Variants in LRP1 observed in about 807,000 individuals in gnomAD.
LRP1 encodes prolow-density lipoprotein receptor-related protein 1.
In LRP1, 51 loss-of-function variants were observed where a neutral mutation model predicts 541.5. That is an observed-to-expected ratio of 0.09 (90% CI 0.08 to 0.12). The LOEUF (loss-of-function observed/expected upper bound fraction) is 0.12, where lower values mean the gene tolerates loss of function less well. Ranked by LOEUF, LRP1 falls within the 10% of genes least tolerant of loss-of-function variation. LRP1 has a pLI of 1.00. For synonymous variants in LRP1, 2,219 were observed against 2,470.8 expected (o/e 0.90, Z 3.02); for missense variants, 3,878 against 6,376.2 (o/e 0.61, Z 13.34).
At chr12:57,198,073 C>A (rs1304148721) in intron 58 of LRP1, 83 bp from the exon 59 acceptor site, 5 of 1,225,812 alleles carry the variant, frequency 4.1e-6, no homozygotes, top group Non-Finnish European at 5.7e-6. Context: ...CCATTTTACA[C>A]GAGGGGAGGC....
chr12:57,164,035 G>A (rs982801765), intron 15 of LRP1, among the ~76,000 whole-genome samples: 2 of 152,274 alleles, frequency 1.3e-5, no homozygotes, highest in African/African-American at 2.4e-5. Context: ...GCCAGGCATG[G>A]TGTCACACGC....
At position 57,211,668 on chromosome 12, in the gene LRP1, A is replaced by AGGGGGGGGGGGGGGGGGGGG; in HGVS notation, c.13193+81_13194-80insGGGGGGGGGGGGGGGGGGGG. On this transcript the variant is annotated intron_variant, in intron 85 of 88. Transcript: ENST00000243077. This position sits in a 1 kb window ranked among gnomAD's most constrained non-coding sequence, Gnocchi z 4.3. ...TTGAGCAGGAGGACCGTCAGGCCTC[A>AGGGGGGGGGGGGGGGGGGGG]GTGCCCACCCCCCGCCCTGTTTTCC... is the stretch of plus-strand genomic sequence containing the variant. 1 of 1,552,996 alleles carries AGGGGGGGGGGGGGGGGGGGG rather than the reference A, an allele frequency of 6.4e-7. No homozygotes were observed. Among genetic ancestry groups the AGGGGGGGGGGGGGGGGGGGG allele is most frequent in the Non-Finnish European group, 8.9e-7 (1 of 1,126,284 alleles).
chr12:57,175,791 G>A (rs865970783), intron 23 of LRP1, 86 bp downstream of exon 23: 2 of 1,552,400 alleles, frequency 1.3e-6, no homozygotes, highest in Non-Finnish European at 1.7e-6. Flanking sequence ...GGTGCCAAAG[G>A]CTGAGTTTTC....
At chr12:57,181,120 A>G (rs1486376056) in intron 33 of LRP1, 37 bp from the exon 34 acceptor site, 11 of 1,602,728 alleles carry the variant, frequency 6.9e-6, no homozygotes, top group Admixed American at 5.1e-5. Context: ...AAGGAGGGCC[A>G]CCTAACCCTT....
At chr12:57,167,769 C>T (rs1055600934) in intron 19 of LRP1, among the ~76,000 whole-genome samples, 3 of 152,228 alleles carry the variant, frequency 2.0e-5, no homozygotes, top group Non-Finnish European at 4.4e-5. Context: ...AGCTGCCCAC[C>T]CTCTAGTAGG....
intron 19 of LRP1, 113 bp from the exon 20 acceptor site, chr12:57,169,027 G>A (rs961993546): frequency 2.4e-6 from 2 of 831,476 alleles, no homozygotes; most frequent in Non-Finnish European, 3.9e-6. Context: ...TCCCAGTGGG[G>A]GGGTTAGGGT....
intron 1 of LRP1, among the ~76,000 whole-genome samples, chr12:57,136,395 G>GGCCCCC (rs1555179757): frequency 2.0e-5 from 2 of 99,124 alleles, no homozygotes; most frequent in African/African-American, 4.0e-5. Flanking sequence ...CCTCCTAAGA[G>GGCCCCC]CCCCCCCCCC....
Position 57,195,294 on chromosome 12 carries a change from T to C in LRP1, c.8332T>C (p.Ser2778Pro). The change falls in exon 52 of 89, where the codon TCC becomes CCC. Residue 2778 changes from serine to proline, a missense_variant. Physicochemically the swap from Ser to Pro is moderately conservative, Grantham distance 74. This residue lies in a region of LRP1 where 1,100 missense variants were observed against 1,827.4 expected (regional missense o/e 0.60). Coordinates refer to ENST00000243077, the MANE Select transcript of LRP1 (RefSeq NM_002332.3). ...HCEGKTCGPS[S>P]FSCPGTHVCV... ...AGAAGGCAAGACGTGCGGCCCCTCC[T>C]CCTTCTCCTGCCCTGGCACCCACGT... The C allele has an allele frequency of 6.2e-7, 1 of 1,613,916 alleles. No individual in the cohort carries two copies. Among genetic ancestry groups the C allele is most frequent in the Non-Finnish European group, 8.5e-7 (1 of 1,180,008 alleles).
Position 57,173,065 on chromosome 12 carries a change from T to C in LRP1, c.3164-103T>C. On this transcript the variant is annotated intron_variant, in intron 20 of 88. Coordinates refer to ENST00000243077, the MANE Select transcript of LRP1 (RefSeq NM_002332.3). This position sits in a 1 kb window ranked among gnomAD's most constrained non-coding sequence, Gnocchi z 4.7. ...GCAGACTCTCCAGGCCTGCCTCTGC[T>C]CATATCCCCAGGCTGGGCTTACCGG... 4.3e-6 allele frequency: 4 copies of C among 932,456 alleles called. No homozygotes were observed. The highest frequency in any genetic ancestry group is 6.4e-6 in the Non-Finnish European group (4 of 625,800). 57.8% of individuals were successfully genotyped at this position (932,456 alleles called of 1,614,324 possible).
Position 57,162,236 on chromosome 12 carries a change from A to G in LRP1, c.2203-81A>G, listed in dbSNP as rs1216233934. 3.8e-5 allele frequency: 46 copies of G among 1,215,602 alleles called. No individual in the cohort carries two copies. The Admixed American group carries it at 7.6e-4, about 20-fold the overall frequency. The allele number at this position is 1,215,602 out of a possible 1,614,324, so 75.3% of individuals were successfully genotyped here. ...CAAAACCCATGCCCAGGACATAGAC[A>G]AATGAATGTACAAAACAGTGATCTC... On this transcript the variant is annotated intron_variant, in intron 13 of 88. Transcript: ENST00000243077. The surrounding 1 kb of genome is among the most constrained non-coding windows in gnomAD (Gnocchi z 5.2).
rs775677919 is a variant in LRP1, at chr12:57,156,937, G to GGGGTGTGTGCCCATT, written c.1561+21_1561+35dup. On this transcript the variant is annotated intron_variant, in intron 10 of 88. Transcript: ENST00000243077. The surrounding 1 kb of genome is among the most constrained non-coding windows in gnomAD (Gnocchi z 5.2). ...CATGCAAGAGTGAGTGACAGGGAAGGGGGTGTGTGCCCATTGGGAGGCTGC... is the reference window on the plus strand; with the variant it reads ...CATGCAAGAGTGAGTGACAGGGAAGGGGGTGTGTGCCCATTGGGTGTGTGCCCATTGGGAGGCTGC... The GGGGTGTGTGCCCATT allele has an allele frequency of 1.3e-6, 2 of 1,557,538 alleles. No homozygotes were observed. The highest frequency in any genetic ancestry group is 3.4e-5 in the Admixed American group (2 of 59,090).
Position 57,199,231 on chromosome 12 carries a change from G to A in LRP1, c.9696G>A (p.Pro3232=), listed in dbSNP as rs147394766. The change falls in exon 61 of 89, where the codon CCG becomes CCA. Residue 3232 remains proline, a synonymous_variant. Transcript: ENST00000243077. The stretch of plus-strand genomic sequence containing the variant: ...CTGCAGTGCTGAGCCAGGACATCCC[G>A]CACATCTTTGCACTGACCCTGTTTG... The part of the protein sequence containing the change: ...NRHVVLSQDI[P]HIFALTLFED... The A allele has an allele frequency of 5.3e-4, 860 of 1,613,598 alleles. No homozygotes were observed. Among genetic ancestry groups the A allele is most frequent in the South Asian group, 1.0e-3 (94 of 91,088 alleles).
At chr12:57,131,695 A>T (rs2035042773) in intron 1 of LRP1, among the ~76,000 whole-genome samples, 2 of 152,040 alleles carry the variant, frequency 1.3e-5, no homozygotes, top group African/African-American at 4.8e-5. Flanking sequence ...GGTTGGAGGG[A>T]TATTTTGATG....
intron 70 of LRP1, chr12:57,203,887 G>T: frequency 4.1e-6 from 1 of 245,806 alleles, no homozygotes; most frequent in Non-Finnish European, 7.7e-6. Flanking sequence ...TCCCTTCCTG[G>T]GGGCAGTGAG....
intron 18 of LRP1, 128 bp downstream of exon 18, chr12:57,167,174 T>TGGC (rs1187254439): frequency 1.3e-6 from 1 of 754,598 alleles, no homozygotes; most frequent in Non-Finnish European, 2.3e-6. Flanking sequence ...TTAATCTCGG[T>TGGC]GGCCTCTGTG....
chr12:57,204,239 C>T lies in LRP1; in HGVS notation c.10952-171C>T. On this transcript the variant is annotated intron_variant, in intron 70 of 88. Transcript: ENST00000243077. The surrounding 1 kb of genome is among the most constrained non-coding windows in gnomAD (Gnocchi z 5.3). ...AAAATGGCCTCTTCTCCCCTAAATA[C>T]CAGAGGGGGCAGTTTGGCCCCACCA... The T allele has an allele frequency of 4.2e-6, 3 of 721,126 alleles. No homozygotes were observed. The highest frequency in any genetic ancestry group is 6.4e-6 in the Non-Finnish European group (3 of 469,196). 44.7% of individuals were successfully genotyped at this position (721,126 alleles called of 1,614,324 possible). A position where few individuals can be genotyped will look rare whatever the true frequency, so the allele number is the denominator to read the frequency against.
chr12:57,178,282 G>C lies in LRP1; in HGVS notation c.4362-77G>C. ...CTGGGAGGGCTGTGGCCAGGGCCCA[G>C]AGGGTGGGCACCTGGGCAGAGCTCT... is the stretch of plus-strand genomic sequence containing the variant. On this transcript the variant is annotated intron_variant, in intron 26 of 88. Coordinates refer to ENST00000243077, the MANE Select transcript of LRP1 (RefSeq NM_002332.3). The surrounding 1 kb of genome is among the most constrained non-coding windows in gnomAD (Gnocchi z 5.8). 2 of 1,533,558 alleles carry C rather than the reference G, an allele frequency of 1.3e-6. No homozygotes were observed. 95.0% of individuals were successfully genotyped at this position (1,533,558 alleles called of 1,614,324 possible).
chr12:57,184,555 G>T lies in LRP1; in HGVS notation c.6186+103G>T, dbSNP rs1019165825. 2.0e-6 allele frequency: 3 copies of T among 1,494,462 alleles called. No homozygotes were observed. Among genetic ancestry groups the T allele is most frequent in the Non-Finnish European group, 2.7e-6 (3 of 1,107,298 alleles). 92.6% of individuals were successfully genotyped at this position (1,494,462 alleles called of 1,614,324 possible). A position where few individuals can be genotyped will look rare whatever the true frequency, so the allele number is the denominator to read the frequency against. On this transcript the variant is annotated intron_variant, in intron 38 of 88. Transcript: ENST00000243077. The surrounding 1 kb of genome is among the most constrained non-coding windows in gnomAD (Gnocchi z 7.8). The stretch of plus-strand genomic sequence containing the variant: ...TGGGAGGACTTGGAGCCCAGGGGAA[G>T]TCACAGGGTCTCCCAGCCCAGCCCT...
chr12:57,208,866 C>A (rs372253892), intron 78 of LRP1, 49 bp downstream of exon 78: 3 of 1,455,480 alleles, frequency 2.1e-6, no homozygotes, highest in East Asian at 2.3e-5. Context: ...GGGCCCGGCT[C>A]GCAGAGCCCA....
Sources: allele counts gnomAD v4.1 joint callset (sites outside exome capture counted in the v4.1 genomes callset), GRCh38; gene constraint gnomAD v4.1.1; regional missense constraint gnomAD v4.1.1; non-coding constraint Gnocchi (gnomAD v3.1); transcripts MANE v1.5; gene names NCBI Gene and HGNC (gene_info 2026-07-23, HGNC 2026-07-21).